Variants in CD58 observed in about 807,000 individuals in gnomAD.
The protein encoded by CD58 is CD58 molecule, also known as lymphocyte function-associated antigen 3.
A neutral mutation model predicts 27.6 loss-of-function variants in CD58; 14 were observed. The ratio of observed to expected loss-of-function variants is 0.51; its 90% CI spans 0.34 to 0.79. The LOEUF is 0.79. CD58 is among the 30% of genes least tolerant of loss of function. CD58 has a pLI of 0.02. For missense variants in CD58, 268 were observed against 301.7 expected, an observed-to-expected ratio of 0.89 and a Z score of 0.83; for synonymous variants, 117 against 103.8, an observed-to-expected ratio of 1.13 and a Z score of -0.77.
intron 2 of CD58, among the ~76,000 whole-genome samples, chr1:116,543,372 C>A (rs180868564): frequency 1.3e-5 from 2 of 151,276 alleles, no homozygotes; most frequent in Admixed American, 6.6e-5. Flanking sequence ...TAGTGGGTAA[C>A]GTAGAGGAAA....
At position 116,527,241 on chromosome 1, in the gene CD58, T is replaced by C. The variant is rs1657459425; in HGVS notation, c.629-5258A>G. Among the ~76,000 whole-genome samples the C allele has an allele frequency of 6.6e-6, 1 of 152,234 alleles. No homozygotes were observed. Among genetic ancestry groups the C allele is most frequent in the South Asian group, 2.1e-4 (1 of 4,834 alleles). On this transcript the variant is annotated intron_variant, in intron 3 of 5. Transcript: ENST00000369489. This position sits in a 1 kb window ranked among gnomAD's most constrained non-coding sequence, Gnocchi z 4.4. ...AAAAGGAGTGGTGAGAAGAACATTA[T>C]TTCCTTATTCTTGGTCTTAGTTGGA...
At chr1:116,568,871 C>A (rs1242623325) in intron 1 of CD58, among the ~76,000 whole-genome samples, 4 of 152,232 alleles carry the variant, frequency 2.6e-5, no homozygotes, top group Non-Finnish European at 5.9e-5. Flanking sequence ...AGAGCTGATG[C>A]TGTTAATCAC....
At position 116,544,540 on chromosome 1, in the gene CD58, T is replaced by C; in HGVS notation, c.135A>G (p.Val45=). ...GVVYGNVTFH[V]PSNVPLKEVL... is the part of the protein sequence containing the mutation. Reference sequence around the variant, plus strand: ...CCTCTTTTAAAGGCACATTGCTTGGTACATGGAAAGTTACATTCCCATACA... The same window carrying C: ...CCTCTTTTAAAGGCACATTGCTTGGCACATGGAAAGTTACATTCCCATACA... Residue 45 remains valine, a synonymous_variant, in exon 2 of 6, where the codon GTA becomes GTG. Transcript: ENST00000369489. 1.9e-6 allele frequency: 3 copies of C among 1,613,592 alleles called. No individual in the cohort carries two copies. Among genetic ancestry groups the C allele is most frequent in the South Asian group, 1.1e-5 (1 of 91,066 alleles).
rs370776960 is a variant in CD58 at position 116,552,520 on chromosome 1, A to G, written c.71-7916T>C. 7.9e-5 allele frequency among the ~76,000 whole-genome samples: 12 copies of G among 152,366 alleles called. 1 individual carries two copies. The highest frequency in any genetic ancestry group is 2.6e-4 in the African/African-American group (11 of 41,582). ...AAAAAGCACATTATCTGTGAAGTGCAATAAAGTGAAATGCAATAAAAGGAG... is the reference window on the plus strand; with the variant it reads ...AAAAAGCACATTATCTGTGAAGTGCGATAAAGTGAAATGCAATAAAAGGAG... On this transcript the variant is annotated intron_variant, in intron 1 of 5. Transcript: ENST00000369489. The surrounding 1 kb of genome is among the most constrained non-coding windows in gnomAD (Gnocchi z 4.5).
Position 116,536,797 on chromosome 1 carries a change from C to T in CD58, c.365-569G>A, listed in dbSNP as rs1398580810. On this transcript the variant is annotated intron_variant, in intron 2 of 5. Coordinates refer to ENST00000369489, the MANE Select transcript of CD58 (RefSeq NM_001779.3). The surrounding 1 kb of genome is among the most constrained non-coding windows in gnomAD (Gnocchi z 5.4). ...AACAGACCAATACAGGCCCCAAATC[C>T]CTTATCCTCAATTCTTAAATCAAAA... Among the ~76,000 whole-genome samples the T allele has an allele frequency of 3.3e-5, 5 of 152,088 alleles. No individual in the cohort carries two copies. In the South Asian group the frequency reaches 8.3e-4, roughly 25 times the overall value.
intron 1 of CD58, among the ~76,000 whole-genome samples, chr1:116,558,738 T>C (rs546903635): frequency 1.3e-5 from 2 of 152,348 alleles, no homozygotes; most frequent in East Asian, 3.9e-4. Flanking sequence ...CAAGGAGCCC[T>C]AGGCCAGCTC....
rs1659127639 is a variant in CD58 at position 116,570,985 on chromosome 1, C to G, written c.-13G>C. 1 of 1,539,998 alleles carries G rather than the reference C, an allele frequency of 6.5e-7. No individual in the cohort carries two copies. Among genetic ancestry groups the G allele is most frequent in the Non-Finnish European group, 8.7e-7 (1 of 1,149,948 alleles). ...TCCCAGCAACCATGGCTCGTCGGGCCGGCCTCTGCGCGAGTGCCCAGCCAC... is the reference window on the plus strand; with the variant it reads ...TCCCAGCAACCATGGCTCGTCGGGCGGGCCTCTGCGCGAGTGCCCAGCCAC... On this transcript the variant is annotated 5_prime_UTR_variant, in exon 1 of 6. Transcript: ENST00000369489. This position sits in a 1 kb window ranked among gnomAD's most constrained non-coding sequence, Gnocchi z 6.4.
chr1:116,568,997 G>C (rs1659035539), intron 1 of CD58, among the ~76,000 whole-genome samples: 1 of 152,232 alleles, frequency 6.6e-6, no homozygotes, highest in African/African-American at 2.4e-5. Context: ...CATGTTTGCT[G>C]AATCAAATGA....
Position 116,534,081 on chromosome 1 carries a change from G to T in CD58, c.628+1884C>A. The T allele has an allele frequency of 1.2e-6, 1 of 826,190 alleles. No homozygotes were observed. Among genetic ancestry groups the T allele is most frequent in the Non-Finnish European group, 2.1e-6 (1 of 473,574 alleles). 51.2% of individuals were successfully genotyped at this position (826,190 alleles called of 1,614,324 possible). A position where few individuals can be genotyped will look rare whatever the true frequency, so the allele number is the denominator to read the frequency against. On this transcript the variant is annotated intron_variant, in intron 3 of 5. Transcript: ENST00000369489. This position sits in a 1 kb window ranked among gnomAD's most constrained non-coding sequence, Gnocchi z 5.3. ...CTGAAGGAACCCCATCTGAAAAACT[G>T]TTATCTGCCATCTGAATGTTTTTAT...
At position 116,521,753 on chromosome 1, in the gene CD58, T is replaced by C; in HGVS notation, c.706+153A>G. On this transcript the variant is annotated intron_variant, in intron 4 of 5. Transcript: ENST00000369489. This position sits in a 1 kb window ranked among gnomAD's most constrained non-coding sequence, Gnocchi z 5.6. ...TGTGGATCTTTGGAGGAACCTAGCA[T>C]GCTCAGCAGTCCCACACACGTAAAG... is the stretch of plus-strand genomic sequence containing the variant. 1 of 590,784 alleles carries C rather than the reference T, an allele frequency of 1.7e-6. No individual in the cohort carries two copies. The highest frequency in any genetic ancestry group is 3.1e-6 in the Non-Finnish European group (1 of 319,986). 36.6% of individuals were successfully genotyped at this position (590,784 alleles called of 1,614,324 possible).
intron 1 of CD58, among the ~76,000 whole-genome samples, chr1:116,564,939 C>T (rs182118245): frequency 6.6e-6 from 1 of 152,256 alleles, no homozygotes; most frequent in East Asian, 1.9e-4. Flanking sequence ...TGAGTTCTTG[C>T]TACTTGCCCA....
Position 116,546,856 on chromosome 1 carries a change from G to A in CD58, c.71-2252C>T, listed in dbSNP as rs543762781. ...TCCACTTACATGTGGATTTTCTTCC[G>A]CCTCTGCCATCCCTGAGATAGCAAG... On this transcript the variant is annotated intron_variant, in intron 1 of 5. Transcript: ENST00000369489. This position sits in a 1 kb window ranked among gnomAD's most constrained non-coding sequence, Gnocchi z 4.1. Among the ~76,000 whole-genome samples, 19 of 152,136 alleles carry A rather than the reference G, an allele frequency of 1.2e-4. No homozygotes were observed. The highest frequency in any genetic ancestry group is 3.9e-4 in the East Asian group (2 of 5,176).
At position 116,534,754 on chromosome 1, in the gene CD58, G is replaced by T. The variant is rs1657735273; in HGVS notation, c.628+1211C>A. On this transcript the variant is annotated intron_variant, in intron 3 of 5. Transcript: ENST00000369489. This position sits in a 1 kb window ranked among gnomAD's most constrained non-coding sequence, Gnocchi z 5.3. ...GTCTGAAAATAATATAACTTTAATG[G>T]CTTTAAGTTATTGTTTGAAAGGGTT... Among the ~76,000 whole-genome samples the T allele has an allele frequency of 6.6e-6, 1 of 152,188 alleles. No homozygotes were observed. The highest frequency in any genetic ancestry group is 2.1e-4 in the South Asian group (1 of 4,830).
In CD58 at chr1:116,532,449, G is replaced by A. The variant is rs1283223922; in HGVS notation, c.628+3516C>T. On this transcript the variant is annotated intron_variant, in intron 3 of 5. Coordinates refer to ENST00000369489, the MANE Select transcript of CD58 (RefSeq NM_001779.3). The surrounding 1 kb of genome is among the most constrained non-coding windows in gnomAD (Gnocchi z 5.1). ...CTTCTGAGATGATTAGCATACAGCA[G>A]GTGATGCAGGCTGCACACTCAGCAG... Among the ~76,000 whole-genome samples the A allele has an allele frequency of 1.3e-5, 2 of 152,236 alleles. No individual in the cohort carries two copies. Among genetic ancestry groups the A allele is most frequent in the African/African-American group, 2.4e-5 (1 of 41,468 alleles).
rs1006410660 is a variant in CD58 at position 116,550,257 on chromosome 1, T to G, written c.71-5653A>C. 1.3e-5 allele frequency among the ~76,000 whole-genome samples: 2 copies of G among 152,352 alleles called. No homozygotes were observed. Among genetic ancestry groups the G allele is most frequent in the East Asian group, 3.9e-4 (2 of 5,190 alleles). ...CTCAGAGGCATCCAATGCTGTTTGA[T>G]AGAATTTTACTCACAGTAAAACTGC... is the stretch of plus-strand genomic sequence containing the variant. On this transcript the variant is annotated intron_variant, in intron 1 of 5. Coordinates refer to ENST00000369489, the MANE Select transcript of CD58 (RefSeq NM_001779.3). This position sits in a 1 kb window ranked among gnomAD's most constrained non-coding sequence, Gnocchi z 4.2.
In CD58 at chr1:116,532,888, AG is replaced by A; in HGVS notation, c.628+3076del. On this transcript the variant is annotated intron_variant, in intron 3 of 5. Transcript: ENST00000369489. This position sits in a 1 kb window ranked among gnomAD's most constrained non-coding sequence, Gnocchi z 5.1. The stretch of plus-strand genomic sequence containing the variant: ...GGCAAAGACTGAGGCCTCCCGCTAC[AG>A]GCCCGGAGTCGCGACAGCCGGTCTG... The A allele has an allele frequency of 1.3e-6, 1 of 770,114 alleles. No homozygotes were observed. Among genetic ancestry groups the A allele is most frequent in the Non-Finnish European group, 2.2e-6 (1 of 459,194 alleles). 47.7% of individuals were successfully genotyped at this position (770,114 alleles called of 1,614,324 possible). A position where few individuals can be genotyped will look rare whatever the true frequency, so the allele number is the denominator to read the frequency against.
chr1:116,539,676 A>G (rs1657930664), intron 2 of CD58, among the ~76,000 whole-genome samples: 1 of 152,240 alleles, frequency 6.6e-6, no homozygotes, highest in African/African-American at 2.4e-5. Flanking sequence ...TGGCAAAGGT[A>G]GAAGTGCCTA....
At chr1:116,560,291 T>C (rs749334757) in intron 1 of CD58, among the ~76,000 whole-genome samples, 33 of 152,186 alleles carry the variant, frequency 2.2e-4, no homozygotes, top group Non-Finnish European at 4.1e-4. Flanking sequence ...TCACCTTAGA[T>C]AGGATACAGC....
At position 116,534,012 on chromosome 1, in the gene CD58, G is replaced by A. The variant is rs1657707609; in HGVS notation, c.628+1953C>T. On this transcript the variant is annotated intron_variant, in intron 3 of 5. Coordinates refer to ENST00000369489, the MANE Select transcript of CD58 (RefSeq NM_001779.3). This position sits in a 1 kb window ranked among gnomAD's most constrained non-coding sequence, Gnocchi z 5.3. ...CAGGATTCTGCATCACCTGATCCGT[G>A]AGCTTTTCCGTCTTACTTGCATTTT... 3.8e-6 allele frequency: 5 copies of A among 1,316,520 alleles called. No homozygotes were observed. Among genetic ancestry groups the A allele is most frequent in the Non-Finnish European group, 4.4e-6 (4 of 914,110 alleles). 81.6% of individuals were successfully genotyped at this position (1,316,520 alleles called of 1,614,324 possible). A position where few individuals can be genotyped will look rare whatever the true frequency, so the allele number is the denominator to read the frequency against.
Sources: gnomAD v4.1 joint callset for allele counts (sites outside exome capture counted in the v4.1 genomes callset) on GRCh38, gnomAD v4.1.1 for gene constraint, Gnocchi (gnomAD v3.1) non-coding constraint, MANE v1.5 for transcripts, NCBI Gene and HGNC (gene_info 2026-07-23, HGNC 2026-07-21) for gene names.